Variants in TRIM55 observed in about 807,000 individuals in gnomAD.
The protein encoded by TRIM55 is tripartite motif-containing protein 55.
In TRIM55, 50 loss-of-function variants were observed where a neutral mutation model predicts 60.9. The ratio of observed to expected loss-of-function variants is 0.82; its 90% CI spans 0.65 to 1.04. The LOEUF is 1.04. TRIM55 is among the 50% of genes least tolerant of loss of function. The probability of loss-of-function intolerance (pLI) is 0.00; values close to 1 mark genes in which losing one functional copy is unlikely to be tolerated. For synonymous variants in TRIM55, 237 were observed against 238.1 expected, an observed-to-expected ratio of 1.00 and a Z score of 0.04; for missense variants, 681 against 666.9, an observed-to-expected ratio of 1.02 and a Z score of -0.23.
Position 66,128,393 on chromosome 8 carries a change from T to C in TRIM55, c.258T>C (p.Val86=). 6.2e-7 allele frequency: 1 copy of C among 1,613,776 alleles called. No homozygotes were observed. The highest frequency in any genetic ancestry group is 8.5e-7 in the Non-Finnish European group (1 of 1,179,872). ...FRCPSCRHEV[V]LDRHGVYGLQ... Reference sequence around the variant, plus strand: ...GCCCATCCTGTAGACATGAAGTGGTTTTGGATAGACATGGGGTATATGGAC... The same window carrying C: ...GCCCATCCTGTAGACATGAAGTGGTCTTGGATAGACATGGGGTATATGGAC... The change falls in exon 2 of 10, where the codon GTT becomes GTC. Residue 86 remains valine, a synonymous_variant. Transcript: ENST00000315962.
the TRIM55 span, among the ~76,000 whole-genome samples, chr8:66,113,981 C>T: frequency 6.6e-6 from 1 of 151,806 alleles, no homozygotes; most frequent in African/African-American, 2.4e-5. Flanking sequence ...GGAAGCTGTG[C>T]CCGCTCCCTT....
At chr8:66,143,097 C>A (rs1053000132) in intron 4 of TRIM55, among the ~76,000 whole-genome samples, 4 of 152,104 alleles carry the variant, frequency 2.6e-5, no homozygotes, top group Admixed American at 1.3e-4. Flanking sequence ...AAGTATGTCT[C>A]GATGAATGTT....
the TRIM55 span, among the ~76,000 whole-genome samples, chr8:66,113,979 T>G: frequency 6.6e-6 from 1 of 150,554 alleles, no homozygotes; most frequent in Non-Finnish European, 1.5e-5. Context: ...CGGGAAGCTG[T>G]GCCCGCTCCC....
chr8:66,123,685 T>C (rs1006090457), upstream of TRIM55, among the ~76,000 whole-genome samples: 4 of 152,022 alleles, frequency 2.6e-5, no homozygotes, highest in Non-Finnish European at 4.4e-5. Context: ...GCAAGACCCT[T>C]GTCTCTGCAA....
At position 66,130,568 on chromosome 8, in the gene TRIM55, G is replaced by GA. The variant is rs574525184; in HGVS notation, c.341+2092_341+2093insA. On this transcript the variant is annotated intron_variant, in intron 2 of 9. Transcript: ENST00000315962. ...GTGGCTATTGGAAGGGGGTCGGGGG[G>GA]GGTGACCAATCACAGACTGGGATGT... Among the ~76,000 whole-genome samples, 32 of 150,432 alleles carry GA rather than the reference G, an allele frequency of 2.1e-4. No individual in the cohort carries two copies. In the South Asian group the frequency reaches 6.4e-3, roughly 30 times the overall value.
chr8:66,132,873 T>C (rs1036401968), intron 2 of TRIM55, among the ~76,000 whole-genome samples: 2 of 152,118 alleles, frequency 1.3e-5, no homozygotes, highest in East Asian at 3.8e-4. Flanking sequence ...ATGAAAAAAA[T>C]AAATAAATTG....
intron 4 of TRIM55, among the ~76,000 whole-genome samples, chr8:66,144,192 A>G (rs1809980296): frequency 6.6e-6 from 1 of 152,214 alleles, no homozygotes; most frequent in African/African-American, 2.4e-5. Flanking sequence ...TAAGGAAACA[A>G]CCAAATGACC....
intron 4 of TRIM55, among the ~76,000 whole-genome samples, chr8:66,138,416 GTC>G (rs2128975926): frequency 6.6e-6 from 1 of 152,240 alleles, no homozygotes; most frequent in East Asian, 1.9e-4. Flanking sequence ...TTGGGATGGA[GTC>G]TCACACTGTC....
chr8:66,165,781 C>G (rs1811295407), intron 9 of TRIM55, among the ~76,000 whole-genome samples: 1 of 152,072 alleles, frequency 6.6e-6, no homozygotes, highest in Non-Finnish European at 1.5e-5. Flanking sequence ...CCTAATAATC[C>G]TGGAAATTAT....
the TRIM55 span, among the ~76,000 whole-genome samples, chr8:66,119,607 A>G: frequency 6.6e-6 from 1 of 152,232 alleles, no homozygotes; most frequent in African/African-American, 2.4e-5. Context: ...GACAGTTACA[A>G]TGAAGAATCA....
chr8:66,169,047 A>G (rs1452668718), intron 9 of TRIM55, among the ~76,000 whole-genome samples: 1 of 152,146 alleles, frequency 6.6e-6, no homozygotes, highest in Non-Finnish European at 1.5e-5. Flanking sequence ...TGATGCTGGC[A>G]TGTCATGGAG....
intron 9 of TRIM55, among the ~76,000 whole-genome samples, chr8:66,171,184 A>G (rs1273126753): frequency 6.6e-6 from 1 of 152,210 alleles, no homozygotes; most frequent in Non-Finnish European, 1.5e-5. Context: ...TTTCACACCC[A>G]GGTAGTAAGC....
intron 4 of TRIM55, 137 bp downstream of exon 4, chr8:66,137,327 T>C: frequency 1.6e-6 from 1 of 616,952 alleles, no homozygotes. Flanking sequence ...TCCTGATATG[T>C]CTCTGAAATA....
At chr8:66,155,719 T>C (rs1347058190) in intron 9 of TRIM55, 1 of 1,567,716 alleles carries the variant, frequency 6.4e-7, no homozygotes, top group Admixed American at 1.7e-5. Context: ...GGGTAGGAAA[T>C]ATTTTCTTTT....
At chr8:66,116,025 G>A in the TRIM55 span, among the ~76,000 whole-genome samples, 1 of 152,176 alleles carries the variant, frequency 6.6e-6, no homozygotes, top group Admixed American at 6.5e-5. Flanking sequence ...TACAGCGAAG[G>A]CCTGGGGGAA....
chr8:66,169,772 G>A (rs904507903), intron 9 of TRIM55, among the ~76,000 whole-genome samples: 13 of 152,108 alleles, frequency 8.5e-5, no homozygotes, highest in African/African-American at 2.2e-4. Flanking sequence ...CAGAAGGGAC[G>A]GAGCATTCCC....
chr8:66,113,356 A>G, the TRIM55 span: 2 of 366,844 alleles, frequency 5.5e-6, no homozygotes, highest in Non-Finnish European at 1.1e-5. Context: ...ACGCCGACAC[A>G]CGTACACGTC....
chr8:66,154,440 C>T, intron 9 of TRIM55, 106 bp downstream of exon 9: 1 of 1,214,908 alleles, frequency 8.2e-7, no homozygotes, highest in Admixed American at 2.6e-5. Context: ...CAGAGAGAAA[C>T]CTCAGCCAGG....
rs562070799 is a variant in TRIM55, at chr8:66,153,235, T to C, written c.1236+608T>C. Among the ~76,000 whole-genome samples the C allele has an allele frequency of 5.9e-5, 9 of 152,326 alleles. No homozygotes were observed. In the South Asian group the frequency reaches 1.4e-3, roughly 25 times the overall value. On this transcript the variant is annotated intron_variant, in intron 8 of 9. Transcript: ENST00000315962. ...TGAAGCCTGGTTTTCTATGGATTTG[T>C]CATTTGATGAGATTGTGTGTTGACA...
Sources: gnomAD v4.1 joint callset for allele counts (sites outside exome capture counted in the v4.1 genomes callset) on GRCh38, gnomAD v4.1.1 for gene constraint, MANE v1.5 for transcripts, NCBI Gene and HGNC (gene_info 2026-07-23, HGNC 2026-07-21) for gene names.